The following MRPL1 variants were observed in gnomAD, a reference collection of about 807,000 sequenced individuals.
MRPL1 encodes mitochondrial ribosomal protein L1.
MRPL1 carries 28 observed loss-of-function variants against 38.0 expected under a neutral mutation model. The ratio of observed to expected loss-of-function variants is 0.74; its 90% CI spans 0.55 to 1.01. MRPL1 has a LOEUF of 1.01. Ranked by LOEUF, MRPL1 falls within the 50% of genes least tolerant of loss-of-function variation. The probability of loss-of-function intolerance (pLI) is 0.00; values close to 1 mark genes in which losing one functional copy is unlikely to be tolerated. For missense variants in MRPL1, 358 were observed against 389.8 expected (o/e 0.92, Z 0.69); for synonymous variants, 123 against 126.7 (o/e 0.97, Z 0.20).
At chr4:77,893,990 G>T in intron 5 of MRPL1, 149 bp from the exon 6 acceptor site, 1 of 571,936 alleles carries the variant, frequency 1.7e-6, no homozygotes, top group Non-Finnish European at 3.1e-6. Flanking sequence ...TAATTGACAG[G>T]TGTATTTGTA....
intron 2 of MRPL1, among the ~76,000 whole-genome samples, chr4:77,872,596 G>A (rs139495768): frequency 2.6e-5 from 4 of 152,250 alleles, no homozygotes; most frequent in Middle Eastern, 3.4e-3. Flanking sequence ...CGGGCACCGT[G>A]GCTCACACCT....
intron 7 of MRPL1, among the ~76,000 whole-genome samples, chr4:77,919,467 G>A (rs1041705963): frequency 2.0e-5 from 3 of 150,670 alleles, no homozygotes; most frequent in African/African-American, 7.4e-5. Context: ...AAACTAAAAT[G>A]TTCTTTCCTT....
At position 77,915,198 on chromosome 4, in the gene MRPL1, C is replaced by T. The variant is rs114996777; in HGVS notation, c.777+5826C>T. Among the ~76,000 whole-genome samples, 1,389 of 152,258 alleles carry T rather than the reference C, an allele frequency of 9.1e-3. 9 individuals carry two copies. Among genetic ancestry groups the T allele is most frequent in the Middle Eastern group, 0.034 (10 of 294 alleles). ...ATCCATTTCTAGTATTGATGTAATA[C>T]GGAATTGATCTTGAGTAGTTTATAG... On this transcript the variant is annotated intron_variant, in intron 7 of 8. Coordinates refer to ENST00000315567, the MANE Select transcript of MRPL1 (RefSeq NM_020236.4).
At chr4:77,884,897 A>G (rs549538979) in intron 3 of MRPL1, among the ~76,000 whole-genome samples, 24 of 152,352 alleles carry the variant, frequency 1.6e-4, no homozygotes, top group African/African-American at 5.3e-4. Flanking sequence ...AGTGCTGGGG[A>G]AGATGTTGAT....
intron 7 of MRPL1, among the ~76,000 whole-genome samples, chr4:77,909,718 T>A (rs191216979): frequency 1.3e-5 from 2 of 152,322 alleles, no homozygotes; most frequent in East Asian, 3.9e-4. Context: ...CAAGATTGCA[T>A]AATGCTGAGC....
intron 7 of MRPL1, 33 bp downstream of exon 7, chr4:77,909,405 CT>C (rs931671423): frequency 3.1e-6 from 4 of 1,287,822 alleles, no homozygotes; most frequent in Non-Finnish European, 4.4e-6. Context: ...AAATAATCCT[CT>C]TTTTTTGTTG....
At chr4:77,889,651 T>C (rs1423284968) in intron 5 of MRPL1, among the ~76,000 whole-genome samples, 1 of 151,780 alleles carries the variant, frequency 6.6e-6, no homozygotes, top group Non-Finnish European at 1.5e-5. Flanking sequence ...CTGAAGGAGA[T>C]AGAGATACAA....
intron 2 of MRPL1, among the ~76,000 whole-genome samples, chr4:77,880,429 G>A (rs1735511994): frequency 6.6e-6 from 1 of 151,440 alleles, no homozygotes; most frequent in Non-Finnish European, 1.5e-5. Context: ...ATTAGATTGG[G>A]CCCACGTAGA....
At chr4:77,873,497 TA>T (rs1176817280) in intron 2 of MRPL1, among the ~76,000 whole-genome samples, 12 of 152,244 alleles carry the variant, frequency 7.9e-5, no homozygotes, top group Non-Finnish European at 1.8e-4. Context: ...GTCCTCAGGT[TA>T]TGGGATACCC....
At position 77,952,515 on chromosome 4, in the gene MRPL1, C is replaced by T. The variant is rs745810053; in HGVS notation, c.886C>T (p.Arg296Cys). 3.5e-5 allele frequency: 57 copies of T among 1,612,678 alleles called. No individual in the cohort carries two copies. The highest frequency in any genetic ancestry group is 5.3e-5 in the African/African-American group (4 of 74,828). The change falls in exon 9 of 9, where the codon CGT becomes TGT. Residue 296 changes from arginine to cysteine, a missense_variant. Physicochemically the swap from Arg to Cys is radical, Grantham distance 180 (BLOSUM62 -3). Transcript: ENST00000315567. ...LGPFVVRAFL[R>C]SSTSEGLLLK... Reference sequence around the variant, plus strand: ...TCCCTTTGTGGTACGTGCTTTCCTTCGTAGTTCAACAAGTGAAGGTTTATT... The same window carrying T: ...TCCCTTTGTGGTACGTGCTTTCCTTTGTAGTTCAACAAGTGAAGGTTTATT...
intron 7 of MRPL1, among the ~76,000 whole-genome samples, chr4:77,939,609 A>T (rs1413900231): frequency 6.6e-6 from 1 of 152,086 alleles, no homozygotes; most frequent in African/African-American, 2.4e-5. Flanking sequence ...ACATGAAGTC[A>T]TTGCCTAAGC....
At chr4:77,934,683 A>AT (rs1480374856) in intron 7 of MRPL1, among the ~76,000 whole-genome samples, 1 of 152,234 alleles carries the variant, frequency 6.6e-6, no homozygotes, top group African/African-American at 2.4e-5. Flanking sequence ...CCACTTCTAG[A>AT]TACATACTGA....
intron 6 of MRPL1, among the ~76,000 whole-genome samples, chr4:77,906,510 T>C (rs1413085311): frequency 1.3e-5 from 2 of 152,066 alleles, no homozygotes; most frequent in Admixed American, 6.6e-5. Flanking sequence ...CAGGGAAAAT[T>C]GACAATGTAG....
At chr4:77,868,161 C>T (rs886354860) in intron 1 of MRPL1, among the ~76,000 whole-genome samples, 2 of 152,094 alleles carry the variant, frequency 1.3e-5, no homozygotes, top group African/African-American at 4.8e-5. Context: ...TTCCCAGCTT[C>T]AAGTGATTTT....
At chr4:77,888,713 T>C (rs1735739203) in intron 5 of MRPL1, among the ~76,000 whole-genome samples, 2 of 152,118 alleles carry the variant, frequency 1.3e-5, no homozygotes, top group Non-Finnish European at 2.9e-5. Flanking sequence ...TATAAAGTTA[T>C]GGAATTTTTT....
chr4:77,923,421 A>G (rs182952650), intron 7 of MRPL1, among the ~76,000 whole-genome samples: 18 of 152,234 alleles, frequency 1.2e-4, no homozygotes, highest in African/African-American at 4.1e-4. Context: ...AATTGTGGAT[A>G]TACATTGGAA....
At chr4:77,933,340 T>G (rs1736890913) in intron 7 of MRPL1, among the ~76,000 whole-genome samples, 1 of 152,150 alleles carries the variant, frequency 6.6e-6, no homozygotes, top group Admixed American at 6.5e-5. Context: ...TGAGGGCTAG[T>G]TGGCCCTCAG....
chr4:77,935,544 G>A (rs1265990927), intron 7 of MRPL1, among the ~76,000 whole-genome samples: 1 of 151,912 alleles, frequency 6.6e-6, no homozygotes, highest in East Asian at 1.9e-4. Flanking sequence ...ACAGGTGCCC[G>A]CCATCATACC....
chr4:77,880,407 A>G (rs564834381), intron 2 of MRPL1, among the ~76,000 whole-genome samples: 141 of 151,640 alleles, frequency 9.3e-4, no homozygotes, highest in African/African-American at 3.3e-3. Flanking sequence ...CTCACTTTTA[A>G]GGATGCATGT....
Sources: gnomAD v4.1 joint callset for allele counts (sites outside exome capture counted in the v4.1 genomes callset) on GRCh38, gnomAD v4.1.1 for gene constraint, MANE v1.5 for transcripts, NCBI Gene and HGNC (gene_info 2026-07-23, HGNC 2026-07-21) for gene names.